Variants in RGS5 observed in about 807,000 individuals in gnomAD.
RGS5 encodes regulator of G protein signaling 5, also known as regulator of G-protein signalling 5.
Under a neutral mutation model 18.9 loss-of-function variants are expected in RGS5, and 20 were observed. The observed-to-expected ratio is 1.06, with a 90% CI of 0.74 to 1.54. The LOEUF (loss-of-function observed/expected upper bound fraction) is 1.54. RGS5 is among the 40% of genes most tolerant of loss of function. RGS5 has a pLI of 0.00. For synonymous variants in RGS5, 57 were observed against 76.2 expected, an observed-to-expected ratio of 0.75 and a Z score of 1.31; for missense variants, 201 against 211.8, an observed-to-expected ratio of 0.95 and a Z score of 0.32.
upstream of RGS5, among the ~76,000 whole-genome samples, chr1:163,220,810 G>C (rs369512197): frequency 1.3e-5 from 2 of 152,228 alleles, no homozygotes; most frequent in East Asian, 3.9e-4. Context: ...CAAGAGCAAG[G>C]CAGGAGGATC....
chr1:163,149,890 C>T lies in RGS5; in HGVS notation c.385-2387G>A, dbSNP rs377096798. 2.0e-5 allele frequency among the ~76,000 whole-genome samples: 3 copies of T among 152,208 alleles called. No homozygotes were observed. In the East Asian group the frequency reaches 5.8e-4, roughly 29 times the overall value. On this transcript the variant is annotated intron_variant, in intron 4 of 4. Transcript: ENST00000313961. ...ATTTTTTAAGTAATAAAAGCTATGA[C>T]TTAACATACTTCAGGTGCACATACA...
upstream of RGS5, among the ~76,000 whole-genome samples, chr1:163,222,288 A>G (rs1647244769): frequency 6.6e-6 from 1 of 152,070 alleles, no homozygotes; most frequent in East Asian, 1.9e-4. Flanking sequence ...CATGAACTCT[A>G]TTGTGAACTG....
At chr1:163,249,807 A>G (rs1313964193) in intron 2 of RGS5, among the ~76,000 whole-genome samples, 1 of 152,224 alleles carries the variant, frequency 6.6e-6, no homozygotes, top group Non-Finnish European at 1.5e-5. Context: ...AATCAATAAA[A>G]TAAAATAAAG....
chr1:163,209,995 C>CT (rs909936825), intron 1 of RGS5, among the ~76,000 whole-genome samples: 46 of 148,868 alleles, frequency 3.1e-4, no homozygotes, highest in Admixed American at 4.7e-4. Context: ...TGTCTTTATT[C>CT]TTTTTTTTTT....
intron 2 of RGS5, among the ~76,000 whole-genome samples, chr1:163,296,863 T>C (rs1027185309): frequency 5.3e-5 from 8 of 152,130 alleles, no homozygotes; most frequent in Non-Finnish European, 1.0e-4. Context: ...TGAGTTATTT[T>C]GAGAAACACC....
At chr1:163,303,848 G>A (rs1386038516) in intron 2 of RGS5, among the ~76,000 whole-genome samples, 1 of 152,120 alleles carries the variant, frequency 6.6e-6, no homozygotes, top group Non-Finnish European at 1.5e-5. Flanking sequence ...GCTCATGCGA[G>A]GGATCTAGGT....
chr1:163,169,040 G>A (rs970703547), intron 1 of RGS5, among the ~76,000 whole-genome samples: 2 of 135,682 alleles, frequency 1.5e-5, no homozygotes, highest in Admixed American at 8.8e-5. Context: ...AGTCCCTGGT[G>A]TGTGATGTTC....
At chr1:163,287,510 C>A (rs1424268693) in intron 2 of RGS5, among the ~76,000 whole-genome samples, 1 of 152,206 alleles carries the variant, frequency 6.6e-6, no homozygotes, top group African/African-American at 2.4e-5. Flanking sequence ...TAATGGTTAT[C>A]CACTCTCAGC....
At chr1:163,228,877 T>C (rs1647400130) in intron 2 of RGS5, among the ~76,000 whole-genome samples, 1 of 152,196 alleles carries the variant, frequency 6.6e-6, no homozygotes, top group Non-Finnish European at 1.5e-5. Flanking sequence ...TTTGCCCCCG[T>C]TCCCAAGAAG....
rs1649546210 is a variant in RGS5, at chr1:163,301,353, G to T, written c.-281+4880C>A. 2.7e-5 allele frequency among the ~76,000 whole-genome samples: 4 copies of T among 149,158 alleles called. No individual in the cohort carries two copies. In the South Asian group the frequency reaches 6.4e-4, roughly 24 times the overall value. On this transcript the variant is annotated intron_variant, in intron 2 of 5. Coordinates refer to the RGS5 transcript ENST00000618415. Reference sequence around the variant, plus strand: ...TCCAGAATGAGTCTTTTTTTTTTGAGACAGGGTCTCACTCAGTCACTGAGG... The same window carrying T: ...TCCAGAATGAGTCTTTTTTTTTTGATACAGGGTCTCACTCAGTCACTGAGG...
At chr1:163,237,552 G>A (rs138627718) in intron 2 of RGS5, among the ~76,000 whole-genome samples, 2,217 of 152,178 alleles carry the variant, frequency 0.015, 20 homozygotes, top group Non-Finnish European at 0.025. Context: ...AGGCACGGTG[G>A]CGTGCACCTG....
At chr1:163,312,462 A>C (rs890879286) in intron 1 of RGS5, among the ~76,000 whole-genome samples, 2 of 152,208 alleles carry the variant, frequency 1.3e-5, no homozygotes, top group Non-Finnish European at 2.9e-5. Context: ...GGACTGGTGA[A>C]AGAAGTGGTA....
In RGS5 at chr1:163,178,025, G is replaced by A. The variant is rs942646756; in HGVS notation, c.45-9657C>T. 2.6e-5 allele frequency among the ~76,000 whole-genome samples: 4 copies of A among 152,280 alleles called. No individual in the cohort carries two copies. The South Asian group carries it at 6.2e-4, about 24-fold the overall frequency. Reference sequence around the variant, plus strand: ...TGGCAAAGAAAGAAACAGAAAGCCTGAGCATGGTGGCTCATGCCTGTGATC... The same window carrying A: ...TGGCAAAGAAAGAAACAGAAAGCCTAAGCATGGTGGCTCATGCCTGTGATC... On this transcript the variant is annotated intron_variant, in intron 1 of 4. Transcript: ENST00000313961.
chr1:163,149,057 GT>G (rs1015284972), intron 4 of RGS5, among the ~76,000 whole-genome samples: 5 of 152,316 alleles, frequency 3.3e-5, no homozygotes, highest in African/African-American at 7.2e-5. Flanking sequence ...GGACTGAGCT[GT>G]GCTTCAAAGT....
intron 2 of RGS5, among the ~76,000 whole-genome samples, chr1:163,244,151 T>A (rs754508797): frequency 1.3e-5 from 2 of 152,186 alleles, no homozygotes; most frequent in Non-Finnish European, 2.9e-5. Flanking sequence ...AATGAGTAAT[T>A]TGGTAATAGC....
chr1:163,257,442 T>C (rs1450574552), intron 2 of RGS5, among the ~76,000 whole-genome samples: 1 of 152,160 alleles, frequency 6.6e-6, no homozygotes. Context: ...AGCTCAGATG[T>C]AGGGTGGGAA....
chr1:163,186,180 C>T (rs1483722571), intron 1 of RGS5, among the ~76,000 whole-genome samples: 3 of 151,532 alleles, frequency 2.0e-5, no homozygotes, highest in South Asian at 2.1e-4. Flanking sequence ...AAGCAATTTC[C>T]CTGCCTCAGC....
chr1:163,321,695 C>T (rs556338018), exon 1 of RGS5: 1 of 152,150 alleles, frequency 6.6e-6, no homozygotes, highest in Non-Finnish European at 1.5e-5. Flanking sequence ...CAACTCGGAC[C>T]CCGAAAACGC....
At chr1:163,187,264 T>C (rs897185670) in intron 1 of RGS5, among the ~76,000 whole-genome samples, 1 of 152,208 alleles carries the variant, frequency 6.6e-6, no homozygotes, top group African/African-American at 2.4e-5. Flanking sequence ...CAGATTAGAA[T>C]TTGAGAAAAC....
Sources: allele counts gnomAD v4.1 joint callset (sites outside exome capture counted in the v4.1 genomes callset), GRCh38; gene constraint gnomAD v4.1.1; transcripts MANE v1.5; gene names NCBI Gene and HGNC (gene_info 2026-07-23, HGNC 2026-07-21).